The following CCR1 variants were observed in gnomAD, a reference collection of about 807,000 sequenced individuals.
CCR1 encodes the protein C-C motif chemokine receptor 1, also known as C-C chemokine receptor type 1.
Under a neutral mutation model 0.3 loss-of-function variants are expected in CCR1, and 1 was observed. The observed-to-expected ratio is 3.70, with a 90% CI of 1.31 to 17.54. The LOEUF (loss-of-function observed/expected upper bound fraction) is 17.54, where lower values mean the gene tolerates loss of function less well. Among genes scored for constraint, CCR1 ranks in the 30% most tolerant of loss-of-function variants. The pLI is 0.11. For synonymous variants in CCR1, 207 were observed against 182.5 expected, an observed-to-expected ratio of 1.13 and a Z score of -1.08; for missense variants, 349 against 435.4, an observed-to-expected ratio of 0.80 and a Z score of 1.77.
chr3:46,205,830 T>C (rs931612294), intron 1 of CCR1, among the ~76,000 whole-genome samples: 2 of 152,174 alleles, frequency 1.3e-5, no homozygotes, highest in African/African-American at 4.8e-5. Context: ...GCACTTTTCT[T>C]GGGGACCTTC....
At position 46,203,202 on chromosome 3, in the gene CCR1, C is replaced by A. The variant is rs200741927; in HGVS notation, c.*44G>T. Reference sequence around the variant, plus strand: ...CAGGCTGCTGGCTCAGTGTGCCTGGCAGGTCACGCCTGCTTATTTTGGGTT... The same window carrying A: ...CAGGCTGCTGGCTCAGTGTGCCTGGAAGGTCACGCCTGCTTATTTTGGGTT... On this transcript the variant is annotated 3_prime_UTR_variant, in exon 2 of 2. Transcript: ENST00000296140. This position sits in a 1 kb window ranked among gnomAD's most constrained non-coding sequence, Gnocchi z 4.5. 278 of 1,431,322 alleles carry A rather than the reference C, an allele frequency of 1.9e-4. 1 individual carries two copies. Among genetic ancestry groups the A allele is most frequent in the Non-Finnish European group, 2.4e-4 (249 of 1,034,166 alleles). 88.7% of individuals were successfully genotyped at this position (1,431,322 alleles called of 1,614,324 possible).
rs1168779973 is a variant in CCR1, at chr3:46,204,259, C to T, written c.55G>A (p.Gly19Arg). The change falls in exon 2 of 2, where the codon GGG (glycine) becomes AGG (arginine). Residue 19 changes from glycine to arginine, a missense_variant. Physicochemically the swap from Gly to Arg is moderately radical, Grantham distance 125 (BLOSUM62 -2). Transcript: ENST00000296140. The part of the protein sequence containing the change: ...DYDTTTEFDY[G>R]DATPCQKVNE... ...ACCTTCTGGCACGGAGTTGCATCCC[C>T]ATAGTCAAACTCTGTGGTCGTGTCA... is the stretch of plus-strand genomic sequence containing the variant. The T allele has an allele frequency of 6.2e-7, 1 of 1,613,446 alleles. No homozygotes were observed. The highest frequency in any genetic ancestry group is 1.3e-5 in the African/African-American group (1 of 74,962).
chr3:46,205,468 A>T (rs917210824), intron 1 of CCR1, among the ~76,000 whole-genome samples: 13 of 152,318 alleles, frequency 8.5e-5, no homozygotes, highest in African/African-American at 2.6e-4. Context: ...TTACCCACGG[A>T]TGCCTTAAAG....
In CCR1 at chr3:46,204,038, G is replaced by A; in HGVS notation, c.276C>T (p.Asp92=). 6.2e-7 allele frequency: 1 copy of A among 1,614,238 alleles called. No homozygotes were observed. Among genetic ancestry groups the A allele is most frequent in the Non-Finnish European group, 8.5e-7 (1 of 1,180,038 alleles). The change falls in exon 2 of 2, where the codon GAC becomes GAT. Residue 92 remains aspartate (D), a synonymous_variant. Transcript: ENST00000296140. ...LFLFTLPFWI[D]YKLKDDWVFG... is the part of the protein sequence containing the mutation. ...AAACCCAGTCATCCTTCAACTTGTA[G>A]TCGATCCAGAAGGGAAGCGTGAACA...
chr3:46,203,193 T>G lies in CCR1; in HGVS notation c.*53A>C. 1 of 1,343,438 alleles carries G rather than the reference T, an allele frequency of 7.4e-7. No homozygotes were observed. The highest frequency in any genetic ancestry group is 1.0e-6 in the Non-Finnish European group (1 of 959,174). The allele number at this position is 1,343,438 out of a possible 1,614,324, so 83.2% of individuals were successfully genotyped here. A position where few individuals can be genotyped will look rare whatever the true frequency, so the allele number is the denominator to read the frequency against. Reference sequence around the variant, plus strand: ...TGGGAGAGCCAGGCTGCTGGCTCAGTGTGCCTGGCAGGTCACGCCTGCTTA... The same window carrying G: ...TGGGAGAGCCAGGCTGCTGGCTCAGGGTGCCTGGCAGGTCACGCCTGCTTA... On this transcript the variant is annotated 3_prime_UTR_variant, in exon 2 of 2. Transcript: ENST00000296140. The surrounding 1 kb of genome is among the most constrained non-coding windows in gnomAD (Gnocchi z 4.5).
intron 1 of CCR1, among the ~76,000 whole-genome samples, chr3:46,206,070 AT>A (rs1369909797): frequency 6.6e-6 from 1 of 152,178 alleles, no homozygotes; most frequent in Non-Finnish European, 1.5e-5. Context: ...ATTGCCGCCA[AT>A]CTAAATTGAT....
chr3:46,203,409 G>T lies in CCR1; in HGVS notation c.905C>A (p.Ala302Asp). ...CTTCCGGAACCTCTCACCAACGAAG[G>T]CGTAGATCACTGGGTTGACACAGCA... is the stretch of plus-strand genomic sequence containing the variant. ...THCCVNPVIY[A>D]FVGERFRKYL... is the part of the protein sequence containing the mutation. The change falls in exon 2 of 2, where the codon GCC (alanine) becomes GAC (aspartate). Residue 302 changes from alanine to aspartate, a missense_variant. Coordinates refer to ENST00000296140, the MANE Select transcript of CCR1 (RefSeq NM_001295.3). This position sits in a 1 kb window ranked among gnomAD's most constrained non-coding sequence, Gnocchi z 4.5. The T allele has an allele frequency of 6.2e-7, 1 of 1,614,158 alleles. No individual in the cohort carries two copies. Among genetic ancestry groups the T allele is most frequent in the Non-Finnish European group, 8.5e-7 (1 of 1,180,030 alleles).
Position 46,203,457 on chromosome 3 carries a change from G to A in CCR1, c.857C>T (p.Thr286Met), listed in dbSNP as rs201264930. ...SRHLDLAVQV[T>M]EVIAYTHCCV... is the part of the protein sequence containing the mutation. ...GCAGTGCGTGTAGGCGATCACCTCC[G>A]TCACTTGCACAGCCAGGTCCAAATG... Residue 286 changes from threonine (T) to methionine (M), a missense_variant, in exon 2 of 2, where the codon ACG (threonine) becomes ATG (methionine). Physicochemically the swap from Thr to Met is moderately conservative, Grantham distance 81. Transcript: ENST00000296140. The surrounding 1 kb of genome is among the most constrained non-coding windows in gnomAD (Gnocchi z 4.5). 15 of 1,614,010 alleles carry A rather than the reference G, an allele frequency of 9.3e-6. No homozygotes were observed. The highest frequency in any genetic ancestry group is 4.4e-5 in the South Asian group (4 of 91,080).
chr3:46,204,372 AGGCAGTG>A, intron 1 of CCR1, 48 bp from the exon 2 acceptor site: 1 of 1,239,498 alleles, frequency 8.1e-7, no homozygotes, highest in Non-Finnish European at 1.1e-6. Flanking sequence ...CTGCTACTAA[AGGCAGTG>A]GGCACTGGAC....
chr3:46,203,928 A>G lies in CCR1; in HGVS notation c.386T>C (p.Ile129Thr), dbSNP rs773710336. The change falls in exon 2 of 2, where the codon ATT becomes ACT. Residue 129 changes from isoleucine to threonine, a missense_variant. Coordinates refer to ENST00000296140, the MANE Select transcript of CCR1 (RefSeq NM_001295.3). This position sits in a 1 kb window ranked among gnomAD's most constrained non-coding sequence, Gnocchi z 4.5. The stretch of plus-strand genomic sequence containing the variant: ...GTGGACGATGGCCAGGTACCTGTCA[A>G]TCGTCAGCAGGATGATGAAAAAGAT... The part of the protein sequence containing the change: ...SEIFFIILLT[I>T]DRYLAIVHAV... 2 of 1,614,248 alleles carry G rather than the reference A, an allele frequency of 1.2e-6. No homozygotes were observed. Among genetic ancestry groups the G allele is most frequent in the Admixed American group, 1.7e-5 (1 of 60,034 alleles).
chr3:46,204,536 A>C (rs113121776), intron 1 of CCR1, among the ~76,000 whole-genome samples: 18 of 152,270 alleles, frequency 1.2e-4, no homozygotes, highest in African/African-American at 4.3e-4. Flanking sequence ...TCTAACAGGG[A>C]GTGGAAGCAA....
intron 1 of CCR1, among the ~76,000 whole-genome samples, chr3:46,207,121 T>A (rs1319348033): frequency 6.6e-6 from 1 of 152,180 alleles, no homozygotes; most frequent in Non-Finnish European, 1.5e-5. Context: ...AAAGCAGGGA[T>A]CTTTTCTTCA....
Position 46,204,326 on chromosome 3 carries a change from T to G in CCR1, c.-11-2A>C. ...TTGGAGTTTCCATCCCGGCTTCTCC[T>G]ACAGGTTAAAAAAAAAAAAAAGATT... On this transcript the variant is annotated splice_acceptor_variant, in intron 1 of 1. Coordinates refer to ENST00000296140, the MANE Select transcript of CCR1 (RefSeq NM_001295.3). LOFTEE classifies it low-confidence loss of function (5UTR_SPLICE). The G allele has an allele frequency of 6.7e-7, 1 of 1,486,854 alleles. No homozygotes were observed. Among genetic ancestry groups the G allele is most frequent in the Non-Finnish European group, 9.0e-7 (1 of 1,113,554 alleles). 92.1% of individuals were successfully genotyped at this position (1,486,854 alleles called of 1,614,324 possible). A position where few individuals can be genotyped will look rare whatever the true frequency, so the allele number is the denominator to read the frequency against.
rs1296380748 is a variant in CCR1, at chr3:46,202,942, A to G, written c.*304T>C. ...TGGGTGACTTTGTTGACAAATGCTA[A>G]TGGTCACAAATCTGAAATCTTGCTT... On this transcript the variant is annotated 3_prime_UTR_variant, in exon 2 of 2. Coordinates refer to ENST00000296140, the MANE Select transcript of CCR1 (RefSeq NM_001295.3). 6.5e-6 allele frequency: 2 copies of G among 309,874 alleles called. No homozygotes were observed. The highest frequency in any genetic ancestry group is 1.2e-5 in the Non-Finnish European group (2 of 166,214). The allele number at this position is 309,874 out of a possible 1,614,324, so 19.2% of individuals were successfully genotyped here.
chr3:46,202,742 G>A lies in CCR1; in HGVS notation c.*504C>T, dbSNP rs1339738975. ...TGGGACTCAGAGTGGAGTCACTGTG[G>A]AAATCACTATTTCCAAGTTCTTTGG... is the stretch of plus-strand genomic sequence containing the variant. On this transcript the variant is annotated 3_prime_UTR_variant, in exon 2 of 2. Coordinates refer to ENST00000296140, the MANE Select transcript of CCR1 (RefSeq NM_001295.3). 1 of 141,634 alleles carries A rather than the reference G, an allele frequency of 7.1e-6. No homozygotes were observed. The highest frequency in any genetic ancestry group is 2.6e-5 in the African/African-American group (1 of 38,204). The allele number at this position is 141,634 out of a possible 1,614,324, so 8.8% of individuals were successfully genotyped here.
Position 46,203,481 on chromosome 3 carries a change from T to C in CCR1, c.833A>G (p.His278Arg). 2 of 1,614,142 alleles carry C rather than the reference T, an allele frequency of 1.2e-6. No individual in the cohort carries two copies. The highest frequency in any genetic ancestry group is 1.7e-6 in the Non-Finnish European group (2 of 1,180,032). The change falls in exon 2 of 2, where the codon CAT (histidine) becomes CGT (arginine). Residue 278 changes from histidine (H) to arginine (R), a missense_variant. By Grantham distance (29) the His-to-Arg change is conservative. Coordinates refer to ENST00000296140, the MANE Select transcript of CCR1 (RefSeq NM_001295.3). This position sits in a 1 kb window ranked among gnomAD's most constrained non-coding sequence, Gnocchi z 4.5. ...LFTHECEQSR[H>R]LDLAVQVTEV... ...CGTCACTTGCACAGCCAGGTCCAAATGTCTGCTCTGCTCACACTCATGGGT... is the reference window on the plus strand; with the variant it reads ...CGTCACTTGCACAGCCAGGTCCAAACGTCTGCTCTGCTCACACTCATGGGT...
At chr3:46,206,940 G>T in intron 1 of CCR1, among the ~76,000 whole-genome samples, 1 of 152,330 alleles carries the variant, frequency 6.6e-6, no homozygotes, top group South Asian at 2.1e-4. Context: ...AGCAGAGATA[G>T]AGCAGTCTGT....
intron 1 of CCR1, among the ~76,000 whole-genome samples, chr3:46,205,605 A>T (rs13096371): frequency 0.069 from 10,442 of 152,250 alleles, 585 homozygotes; most frequent in South Asian, 0.27. Flanking sequence ...CAAATGGAGC[A>T]TTGGCTTTGG....
At chr3:46,207,542 T>C (rs1426565942) in intron 1 of CCR1, among the ~76,000 whole-genome samples, 1 of 152,206 alleles carries the variant, frequency 6.6e-6, no homozygotes, top group Non-Finnish European at 1.5e-5. Context: ...CAGTATCAAA[T>C]CATCCTTGCA....
Sources: allele counts gnomAD v4.1 joint callset (sites outside exome capture counted in the v4.1 genomes callset), GRCh38; gene constraint gnomAD v4.1.1; non-coding constraint Gnocchi (gnomAD v3.1); transcripts MANE v1.5; gene names NCBI Gene and HGNC (gene_info 2026-07-23, HGNC 2026-07-21).